The following DLG2 variants were observed in gnomAD, a reference collection of about 807,000 sequenced individuals.
The protein encoded by DLG2 is discs large MAGUK scaffold protein 2.
DLG2 carries 45 observed loss-of-function variants against 132.5 expected under a neutral mutation model. The ratio of observed to expected loss-of-function variants is 0.34; its 90% CI spans 0.27 to 0.44. DLG2 has a LOEUF of 0.44. Among genes scored for constraint, DLG2 ranks in the 20% least tolerant of loss-of-function variants. The pLI, the probability that DLG2 is intolerant of heterozygous loss-of-function variation, is 1.00. For synonymous variants in DLG2, 424 were observed against 419.6 expected, an observed-to-expected ratio of 1.01 and a Z score of -0.13; for missense variants, 1,045 against 1,196.9, an observed-to-expected ratio of 0.87 and a Z score of 1.87.
intron 7 of DLG2, among the ~76,000 whole-genome samples, chr11:84,321,437 T>C (rs2098404170): frequency 1.3e-5 from 2 of 152,292 alleles, no homozygotes; most frequent in South Asian, 2.1e-4. Flanking sequence ...ATTGATACTA[T>C]AATCTTTAAA....
chr11:84,436,486 G>C (rs991311677), intron 7 of DLG2, among the ~76,000 whole-genome samples: 18 of 152,114 alleles, frequency 1.2e-4, no homozygotes, highest in Non-Finnish European at 1.5e-5. Flanking sequence ...AAAGATACTG[G>C]GCTGAAGATC....
At chr11:85,158,426 TC>T (rs992830973) in intron 4 of DLG2, among the ~76,000 whole-genome samples, 36 of 152,184 alleles carry the variant, frequency 2.4e-4, no homozygotes, top group Non-Finnish European at 2.4e-4. Flanking sequence ...GAGGAAGGGA[TC>T]CAAAGGCTTA....
chr11:84,834,175 T>C (rs1362483102), intron 6 of DLG2, among the ~76,000 whole-genome samples: 1 of 151,716 alleles, frequency 6.6e-6, no homozygotes, highest in Admixed American at 6.6e-5. Context: ...GTTTTTACTT[T>C]GAATGTGATA....
At chr11:83,805,331 T>C (rs1185426975) in intron 17 of DLG2, among the ~76,000 whole-genome samples, 2 of 151,942 alleles carry the variant, frequency 1.3e-5, no homozygotes, top group African/African-American at 2.4e-5. Flanking sequence ...TTAGCTGGTA[T>C]TATTTTGTGC....
chr11:83,613,548 G>A lies in DLG2; in HGVS notation c.1940+19663C>T, dbSNP rs558549332. On this transcript the variant is annotated intron_variant, in intron 19 of 27. Coordinates refer to ENST00000376104, the MANE Select transcript of DLG2 (RefSeq NM_001142699.3). ...TGAAACAGGGGGTTCTATTTTTGCT[G>A]AGTGTTAGCAAATTGTAGCATCAGA... Among the ~76,000 whole-genome samples the A allele has an allele frequency of 4.6e-5, 7 of 152,278 alleles. No individual in the cohort carries two copies. In the East Asian group the frequency reaches 1.2e-3, roughly 25 times the overall value.
intron 10 of DLG2, among the ~76,000 whole-genome samples, chr11:84,088,504 C>T (rs549047276): frequency 5.3e-5 from 8 of 152,138 alleles, no homozygotes; most frequent in Non-Finnish European, 7.4e-5. Context: ...ACTCCAGCTG[C>T]GAAAGACTAC....
At chr11:84,273,260 A>C in intron 7 of DLG2, 3 of 1,530,208 alleles carry the variant, frequency 2.0e-6, no homozygotes, top group Non-Finnish European at 1.8e-6. Context: ...TTGCATAGCG[A>C]AAGCTGGTAA....
At chr11:85,077,760 G>C (rs349062) in intron 6 of DLG2, among the ~76,000 whole-genome samples, 58,182 of 151,766 alleles carry the variant, frequency 0.38, 11,370 homozygotes, top group South Asian at 0.57. Context: ...AAAAAGAAAA[G>C]TCAAGTTCTT....
chr11:84,004,579 T>C (rs1452882424), intron 11 of DLG2, among the ~76,000 whole-genome samples: 2 of 151,984 alleles, frequency 1.3e-5, no homozygotes, highest in African/African-American at 4.8e-5. Flanking sequence ...ATCTAATAAA[T>C]TCAGTAAAGT....
At chr11:85,090,832 A>G (rs193238993) in intron 6 of DLG2, among the ~76,000 whole-genome samples, 28 of 152,332 alleles carry the variant, frequency 1.8e-4, no homozygotes, top group Admixed American at 7.2e-4. Context: ...TGAGTAATTT[A>G]TAAAGAAAAA....
intron 6 of DLG2, among the ~76,000 whole-genome samples, chr11:84,641,594 A>C (rs546995306): frequency 1.3e-5 from 2 of 152,114 alleles, no homozygotes; most frequent in Middle Eastern, 3.2e-3. Context: ...GATTTGACCT[A>C]TCTCTCCCTA....
chr11:83,500,656 A>ATTTTAT (rs11456611), intron 21 of DLG2, among the ~76,000 whole-genome samples: 3 of 151,690 alleles, frequency 2.0e-5, no homozygotes, highest in Non-Finnish European at 2.9e-5. Flanking sequence ...TCATTTATTT[A>ATTTTAT]TTTATTTTAT....
intron 6 of DLG2, among the ~76,000 whole-genome samples, chr11:84,564,024 C>G (rs1336950942): frequency 6.6e-6 from 1 of 152,068 alleles, no homozygotes; most frequent in Non-Finnish European, 1.5e-5. Context: ...GGAGACAACT[C>G]CAGTCTCACT....
At chr11:84,214,924 A>G (rs2096815933) in intron 8 of DLG2, among the ~76,000 whole-genome samples, 1 of 152,212 alleles carries the variant, frequency 6.6e-6, no homozygotes, top group Admixed American at 6.5e-5. Context: ...ATACATTTCA[A>G]TGCAAGTCTT....
chr11:84,058,618 T>C (rs1284797083), intron 11 of DLG2, among the ~76,000 whole-genome samples: 3 of 151,120 alleles, frequency 2.0e-5, no homozygotes, highest in Non-Finnish European at 2.9e-5. Context: ...GCCCAGGAGC[T>C]TGAGGCTTCA....
chr11:83,989,044 G>A (rs928973428), intron 11 of DLG2, among the ~76,000 whole-genome samples: 17 of 152,208 alleles, frequency 1.1e-4, no homozygotes, highest in African/African-American at 4.1e-4. Context: ...TTAAGTGAAA[G>A]AATGAATGAA....
chr11:84,509,784 A>G (rs1280871347), intron 7 of DLG2, among the ~76,000 whole-genome samples: 1 of 152,180 alleles, frequency 6.6e-6, no homozygotes, highest in East Asian at 1.9e-4. Flanking sequence ...TGTGCAGAAT[A>G]CAAAATACAA....
intron 19 of DLG2, among the ~76,000 whole-genome samples, chr11:83,558,887 G>GTGTA (rs2096564837): frequency 1.3e-5 from 2 of 148,360 alleles, no homozygotes; most frequent in Non-Finnish European, 3.0e-5. Context: ...GTGTGTGTGT[G>GTGTA]TATGAGTAAA....
At chr11:85,047,383 T>C (rs1437276735) in intron 6 of DLG2, among the ~76,000 whole-genome samples, 1 of 151,976 alleles carries the variant, frequency 6.6e-6, no homozygotes, top group African/African-American at 2.4e-5. Context: ...AACATTTCAA[T>C]TTTAAGACTC....
Sources: allele counts gnomAD v4.1 joint callset (sites outside exome capture counted in the v4.1 genomes callset), GRCh38; gene constraint gnomAD v4.1.1; transcripts MANE v1.5; gene names NCBI Gene and HGNC (gene_info 2026-07-23, HGNC 2026-07-21).